The following KLHL33 variants were observed in gnomAD, a reference collection of about 807,000 sequenced individuals.
KLHL33 encodes kelch like family member 33.
Under a neutral mutation model 60.8 loss-of-function variants are expected in KLHL33, and 46 were observed. The observed-to-expected ratio is 0.76, with a 90% CI of 0.60 to 0.97. The LOEUF (loss-of-function observed/expected upper bound fraction) is 0.97. KLHL33 is among the 50% of genes least tolerant of loss of function. The pLI, the probability that KLHL33 is intolerant of heterozygous loss-of-function variation, is 0.00. For synonymous variants in KLHL33, 434 were observed against 432.2 expected (o/e 1.00, Z -0.05); for missense variants, 1,055 against 1,000.0 (o/e 1.05, Z -0.74).
rs955770671 is a variant in KLHL33, at chr14:20,432,183, C to T, written c.749-1464G>A. On this transcript the variant is annotated intron_variant, in intron 2 of 4. Transcript: ENST00000636854. ...TGCCTGGAGTGCAGTGGTACAATCTCGGCTCACTGCAACCTCCACCCTCCA... is the reference window on the plus strand; with the variant it reads ...TGCCTGGAGTGCAGTGGTACAATCTTGGCTCACTGCAACCTCCACCCTCCA... Among the ~76,000 whole-genome samples the T allele has an allele frequency of 2.6e-5, 4 of 151,254 alleles. No homozygotes were observed. The South Asian group carries it at 6.3e-4, about 24-fold the overall frequency.
At position 20,429,175 on chromosome 14, in the gene KLHL33, G is replaced by T. The variant is rs866215214; in HGVS notation, c.2068C>A (p.Leu690Met). ...LGGRLYVAGGLGETEDLLSFE... is the reference protein window; with the variant it reads ...LGGRLYVAGGMGETEDLLSFE... ...CTTAGCAGGTCCTCAGTCTCACCCA[G>T]CCCACCTGCCACATACAACCTCCCA... Residue 690 changes from leucine to methionine, a missense_variant, in exon 5 of 5, where the codon CTG becomes ATG. Leu to Met is a conservative substitution (Grantham distance 15). Transcript: ENST00000636854. 24 of 1,551,632 alleles carry T rather than the reference G, an allele frequency of 1.5e-5. No individual in the cohort carries two copies. In the Middle Eastern group the frequency reaches 1.0e-3, roughly 65 times the overall value.
At chr14:20,433,247 T>TTAA (rs1258841744) in intron 2 of KLHL33, among the ~76,000 whole-genome samples, 2 of 152,244 alleles carry the variant, frequency 1.3e-5, no homozygotes, top group Non-Finnish European at 2.9e-5. Context: ...AATGTTCATC[T>TTAA]TAATATTCTT....
chr14:20,428,878 T>C lies in KLHL33; in HGVS notation c.2365A>G (p.Thr789Ala). 6.4e-7 allele frequency: 1 copy of C among 1,551,338 alleles called. No homozygotes were observed. The highest frequency in any genetic ancestry group is 8.7e-7 in the Non-Finnish European group (1 of 1,146,746). Residue 789 changes from threonine (T) to alanine (A), a missense_variant, in exon 5 of 5, where the codon ACC becomes GCC. Coordinates refer to ENST00000636854, the MANE Select transcript of KLHL33 (RefSeq NM_001365790.2). ...PAVQHIALVP[T>A]PHQTKPAG ...CCAGCAGGTTTGGTTTGGTGTGGGG[T>C]GGGAACCAAAGCTATGTGCTGCACA... is the stretch of plus-strand genomic sequence containing the variant.
At chr14:20,432,926 A>AAAG (rs1555330501) in intron 2 of KLHL33, among the ~76,000 whole-genome samples, 9 of 104,744 alleles carry the variant, frequency 8.6e-5, no homozygotes, top group Admixed American at 1.2e-4. Context: ...CATCTCAAAA[A>AAAG]AAAGAAAGAA....
At chr14:20,434,862 T>C (rs1165940950) in intron 2 of KLHL33, among the ~76,000 whole-genome samples, 3 of 152,176 alleles carry the variant, frequency 2.0e-5, no homozygotes, top group Non-Finnish European at 4.4e-5. Flanking sequence ...AGTTTAAATC[T>C]GTCAGAGCGC....
chr14:20,431,002 A>G (rs1880495536), intron 2 of KLHL33, among the ~76,000 whole-genome samples: 1 of 152,248 alleles, frequency 6.6e-6, no homozygotes, highest in African/African-American at 2.4e-5. Flanking sequence ...TTCTCATGTT[A>G]GTGGCCTGAA....
At position 20,429,892 on chromosome 14, in the gene KLHL33, A is replaced by G. The variant is rs1188337614; in HGVS notation, c.1576T>C (p.Phe526Leu). 1 of 1,551,970 alleles carries G rather than the reference A, an allele frequency of 6.4e-7. No homozygotes were observed. Among genetic ancestry groups the G allele is most frequent in the African/African-American group, 1.4e-5 (1 of 73,192 alleles). ...GCCAGGCTTGCAGCCCCATGCCGGA[A>G]GCGTCCGGGGGCAGGCAGGGCAGGC... ...QLPALPAPGRFRHGAASLAGS... is the reference protein window; with the variant it reads ...QLPALPAPGRLRHGAASLAGS... Residue 526 changes from phenylalanine (F) to leucine (L), a missense_variant, in exon 3 of 5, where the codon TTC (phenylalanine) becomes CTC (leucine). Physicochemically the swap from Phe to Leu is conservative, Grantham distance 22. Coordinates refer to ENST00000636854, the MANE Select transcript of KLHL33 (RefSeq NM_001365790.2).
intron 2 of KLHL33, among the ~76,000 whole-genome samples, chr14:20,432,931 A>AAAGAAAGAAAGAAAG (rs1880558144): frequency 7.2e-6 from 1 of 138,782 alleles, no homozygotes; most frequent in Non-Finnish European, 1.6e-5. Flanking sequence ...CAAAAAAAAG[A>AAAGAAAGAAAGAAAG]AAGAAAGAAA....
rs953981464 is a variant in KLHL33, at chr14:20,435,469, C to A, written c.343G>T (p.Glu115Ter). Residue 115 changes from glutamate (E) to a stop codon, truncating the protein, a stop_gained, in exon 2 of 5, where the codon GAA becomes TAA. Transcript: ENST00000636854. LOFTEE classifies it high-confidence loss of function. ...ACCCGCCCCGCGACTGACACCTCTT[C>A]GTCCAGCAACAGTCTCTGCTCCCGC... The part of the protein sequence containing the change: ...RLREQRLLLD[E>*]EVSVAGRVYG... 4 of 1,234,548 alleles carry A rather than the reference C, an allele frequency of 3.2e-6. No individual in the cohort carries two copies. Among genetic ancestry groups the A allele is most frequent in the Middle Eastern group, 2.1e-4 (1 of 4,840 alleles). The allele number at this position is 1,234,548 out of a possible 1,614,324, so 76.5% of individuals were successfully genotyped here. A position where few individuals can be genotyped will look rare whatever the true frequency, so the allele number is the denominator to read the frequency against.
At chr14:20,431,726 A>AAAAT (rs905685485) in intron 2 of KLHL33, among the ~76,000 whole-genome samples, 7 of 152,230 alleles carry the variant, frequency 4.6e-5, no homozygotes, top group Admixed American at 3.9e-4. Context: ...ACTCCATCTC[A>AAAAT]AAATAAATAA....
At chr14:20,430,823 C>CAAACTCTAAGTTTGGCCAAA in intron 2 of KLHL33, 104 bp from the exon 3 acceptor site, 1 of 776,990 alleles carries the variant, frequency 1.3e-6, no homozygotes, top group Non-Finnish European at 2.0e-6. Context: ...TAAGTTTGGC[C>CAAACTCTAAGTTTGGCCAAA]CTCCAAGCCA....
In KLHL33 at chr14:20,427,634, G is replaced by T. The variant is rs12897222; in HGVS notation, c.*1215C>A. 0.15 allele frequency: 22,245 copies of T among 152,118 alleles called. 1,672 individuals carry two copies. Among genetic ancestry groups the T allele is most frequent in the Middle Eastern group, 0.18 (54 of 294 alleles). The allele number at this position is 152,118 out of a possible 1,614,324, so 9.4% of individuals were successfully genotyped here. ...TCACTGCTCTATCCTCTGGGCTCTC[G>T]CAAGACTCGTCCATACATGTAAGTC... On this transcript the variant is annotated 3_prime_UTR_variant, in exon 5 of 5. Coordinates refer to ENST00000636854, the MANE Select transcript of KLHL33 (RefSeq NM_001365790.2).
At position 20,429,040 on chromosome 14, in the gene KLHL33, C is replaced by T. The variant is rs891147302; in HGVS notation, c.2203G>A (p.Gly735Arg). The stretch of plus-strand genomic sequence containing the variant: ...GCATAAGTACGGTGACTGTAGCCCC[C>T]GAGCACCAGTAGCTCCCCCTGCAGC... The part of the protein sequence containing the change: ...AVLQGELLVL[G>R]GYSHRTYALS... Residue 735 changes from glycine (G) to arginine (R), a missense_variant, in exon 5 of 5, where the codon GGG (glycine) becomes AGG (arginine). Transcript: ENST00000636854. The T allele has an allele frequency of 2.4e-5, 37 of 1,551,606 alleles. No individual in the cohort carries two copies. Among genetic ancestry groups the T allele is most frequent in the Admixed American group, 1.2e-4 (6 of 50,988 alleles).
intron 2 of KLHL33, among the ~76,000 whole-genome samples, chr14:20,433,411 T>C (rs1023476728): frequency 7.9e-5 from 12 of 152,228 alleles, no homozygotes; most frequent in Admixed American, 5.2e-4. Context: ...GTGTTGTTCA[T>C]ATGACTTTCC....
At chr14:20,432,569 T>C (rs939449950) in intron 2 of KLHL33, among the ~76,000 whole-genome samples, 9 of 151,992 alleles carry the variant, frequency 5.9e-5, no homozygotes. Context: ...TTGAACAAAC[T>C]CACTTTAAAA....
chr14:20,435,920 G>C, intron 1 of KLHL33, 90 bp from the exon 2 acceptor site: 3 of 951,784 alleles, frequency 3.2e-6, no homozygotes, highest in Non-Finnish European at 4.1e-6. Context: ...TGAAATGTCA[G>C]TCTCTCCCCT....
In KLHL33 at chr14:20,428,816, G is replaced by C; in HGVS notation, c.*33C>G. ...GTCCTTCTCTCAGGCTATTTCTTAT[G>C]CCCTCCTCTCCCCATACACTGTTGC... On this transcript the variant is annotated 3_prime_UTR_variant, in exon 5 of 5. Transcript: ENST00000636854. 1 of 1,503,226 alleles carries C rather than the reference G, an allele frequency of 6.7e-7. No individual in the cohort carries two copies. The highest frequency in any genetic ancestry group is 2.5e-5 in the East Asian group (1 of 40,340). The allele number at this position is 1,503,226 out of a possible 1,614,324, so 93.1% of individuals were successfully genotyped here.
chr14:20,432,433 G>A (rs1401179770), intron 2 of KLHL33, among the ~76,000 whole-genome samples: 1 of 150,592 alleles, frequency 6.6e-6, no homozygotes, highest in East Asian at 2.0e-4. Context: ...AATCTTACAT[G>A]TTATTGTCTT....
chr14:20,429,779 T>G lies in KLHL33; in HGVS notation c.1673+16A>C, dbSNP rs1476576078. The G allele has an allele frequency of 6.6e-7, 1 of 1,524,140 alleles. No homozygotes were observed. The highest frequency in any genetic ancestry group is 2.5e-5 in the East Asian group (1 of 40,724). 94.4% of individuals were successfully genotyped at this position (1,524,140 alleles called of 1,614,324 possible). ...TTAGGGCCTGCCACACCCTGCCCACTCCTAGAAGCTTATACCTGAGAGTTG... is the reference window on the plus strand; with the variant it reads ...TTAGGGCCTGCCACACCCTGCCCACGCCTAGAAGCTTATACCTGAGAGTTG... On this transcript the variant is annotated intron_variant, in intron 3 of 4. Transcript: ENST00000636854.
Sources: gnomAD v4.1 joint callset for allele counts (sites outside exome capture counted in the v4.1 genomes callset) on GRCh38, gnomAD v4.1.1 for gene constraint, MANE v1.5 for transcripts, NCBI Gene and HGNC (gene_info 2026-07-23, HGNC 2026-07-21) for gene names.